Variants in TRAM1 observed in about 807,000 individuals in gnomAD.
TRAM1 encodes the protein translocating chain-associated membrane protein 1.
A neutral mutation model predicts 48.7 loss-of-function variants in TRAM1; 17 were observed. The ratio of observed to expected loss-of-function variants is 0.35; its 90% CI spans 0.24 to 0.52. The LOEUF (loss-of-function observed/expected upper bound fraction) is 0.52. TRAM1 is among the 20% of genes least tolerant of loss of function. The pLI, the probability that TRAM1 is intolerant of heterozygous loss-of-function variation, is 0.94. For missense variants in TRAM1, 351 were observed against 441.5 expected, an observed-to-expected ratio of 0.79 and a Z score of 1.84; for synonymous variants, 182 against 154.0, an observed-to-expected ratio of 1.18 and a Z score of -1.34.
rs796759048 is a variant in TRAM1, at chr8:70,607,448, C to T, written c.123+629G>A. On this transcript the variant is annotated intron_variant, in intron 1 of 10. Coordinates refer to ENST00000262213, the MANE Select transcript of TRAM1 (RefSeq NM_014294.6). ...AGACAAAAATGAAAACAATCTGGCG[C>T]GCCTCCACTGCGCCGGTGCCCGGCG... is the stretch of plus-strand genomic sequence containing the variant. The T allele has an allele frequency of 2.0e-5, 20 of 985,494 alleles. No homozygotes were observed. In the African/African-American group the frequency reaches 3.5e-4, roughly 17 times the overall value. 61.0% of individuals were successfully genotyped at this position (985,494 alleles called of 1,614,324 possible).
At chr8:70,586,436 TAA>T (rs1170046943) in intron 8 of TRAM1, among the ~76,000 whole-genome samples, 5 of 151,890 alleles carry the variant, frequency 3.3e-5, no homozygotes, top group African/African-American at 1.2e-4. Context: ...AATAAAATAA[TAA>T]AAAAAGAGTC....
chr8:70,600,753 T>G (rs1327491724), intron 1 of TRAM1, among the ~76,000 whole-genome samples: 1 of 152,176 alleles, frequency 6.6e-6, no homozygotes, highest in African/African-American at 2.4e-5. Context: ...TAAGTGCCAA[T>G]AGCTTGCACT....
chr8:70,593,574 A>G (rs1817414686), intron 6 of TRAM1, among the ~76,000 whole-genome samples: 1 of 150,324 alleles, frequency 6.7e-6, no homozygotes, highest in African/African-American at 2.4e-5. Flanking sequence ...AAAATCCCAC[A>G]TAGGATTTCA....
chr8:70,575,366 T>C (rs906280597), intron 10 of TRAM1, among the ~76,000 whole-genome samples: 2 of 152,176 alleles, frequency 1.3e-5, no homozygotes, highest in Non-Finnish European at 2.9e-5. Flanking sequence ...GTAAAGTTGG[T>C]GTTTAGGATA....
At chr8:70,576,101 C>CAAA (rs966210901) in intron 10 of TRAM1, among the ~76,000 whole-genome samples, 2 of 131,086 alleles carry the variant, frequency 1.5e-5, no homozygotes, top group Non-Finnish European at 3.3e-5. Context: ...AAAAACCACA[C>CAAA]AAAAAAAAAC....
intron 10 of TRAM1, among the ~76,000 whole-genome samples, chr8:70,581,452 T>G (rs759672405): frequency 1.6e-4 from 24 of 152,196 alleles, no homozygotes; most frequent in Non-Finnish European, 2.9e-4. Flanking sequence ...TCAAGACAGT[T>G]CAAGTGAAGG....
chr8:70,608,003 C>G (rs1817788756), intron 1 of TRAM1, 74 bp downstream of exon 1: 2 of 1,463,772 alleles, frequency 1.4e-6, no homozygotes, highest in African/African-American at 1.5e-5. Context: ...GCGGAGAAGC[C>G]GGGGCTGGCA....
intron 1 of TRAM1, chr8:70,607,233 T>C (rs958265984): frequency 2.0e-6 from 2 of 985,090 alleles, no homozygotes; most frequent in Non-Finnish European, 2.4e-6. Context: ...GTTAAATAAG[T>C]CATCAAAATA....
chr8:70,607,098 G>A (rs1389856325), intron 1 of TRAM1: 8 of 963,818 alleles, frequency 8.3e-6, no homozygotes, highest in Non-Finnish European at 9.9e-6. Context: ...GAGACATAAA[G>A]GCTCCAGAGA....
chr8:70,607,138 T>C, intron 1 of TRAM1: 2 of 981,380 alleles, frequency 2.0e-6, no homozygotes, highest in Non-Finnish European at 2.4e-6. Flanking sequence ...AGCAAAGGAA[T>C]GAGCGTGTGT....
intron 6 of TRAM1, 103 bp from the exon 7 acceptor site, chr8:70,587,279 T>C (rs1230263503): frequency 1.7e-6 from 2 of 1,163,678 alleles, no homozygotes; most frequent in Admixed American, 2.2e-5. Flanking sequence ...TCTCAAAACC[T>C]TGGACTCAAG....
Position 70,608,106 on chromosome 8 carries a change from T to C in TRAM1, c.94A>G (p.Met32Val), listed in dbSNP as rs1817791860. The change falls in exon 1 of 11, where the codon ATG (methionine) becomes GTG (valine). Residue 32 changes from methionine (M) to valine (V), a missense_variant. Transcript: ENST00000262213. ...AACATGAGCCCCAGCAGGAAGACCA[T>C]CGCCACACAGGAGACGATGTCCGCG... is the stretch of plus-strand genomic sequence containing the variant. ...NHADIVSCVA[M>V]VFLLGLMFEI... The C allele has an allele frequency of 6.3e-7, 1 of 1,597,510 alleles. No homozygotes were observed. The highest frequency in any genetic ancestry group is 8.5e-7 in the Non-Finnish European group (1 of 1,173,016).
At chr8:70,607,384 G>A (rs1817762153) in intron 1 of TRAM1, 1 of 985,270 alleles carries the variant, frequency 1.0e-6, no homozygotes, top group South Asian at 4.7e-5. Context: ...AAAGCGTCAG[G>A]GCAAAAAGTT....
chr8:70,574,257 G>C lies in TRAM1; in HGVS notation c.*675C>G. 2.4e-6 allele frequency: 1 copy of C among 411,064 alleles called. No homozygotes were observed. Among genetic ancestry groups the C allele is most frequent in the South Asian group, 1.8e-5 (1 of 55,312 alleles). 25.5% of individuals were successfully genotyped at this position (411,064 alleles called of 1,614,324 possible). On this transcript the variant is annotated 3_prime_UTR_variant, in exon 11 of 11. Coordinates refer to ENST00000262213, the MANE Select transcript of TRAM1 (RefSeq NM_014294.6). ...ACAAGTATTGAAAATGCACAAGAAA[G>C]ATTTTACTTCACAAGTACTTTTAAG...
chr8:70,607,928 G>T, intron 1 of TRAM1, 149 bp downstream of exon 1: 2 of 974,718 alleles, frequency 2.1e-6, no homozygotes, highest in Non-Finnish European at 2.7e-6. Context: ...GCAGGGCAGG[G>T]AAGGCCTGCA....
At chr8:70,593,502 C>T (rs776127061) in intron 6 of TRAM1, among the ~76,000 whole-genome samples, 9 of 150,158 alleles carry the variant, frequency 6.0e-5, no homozygotes, top group East Asian at 2.0e-4. Flanking sequence ...TATTAATAAA[C>T]GATCAAACTT....
chr8:70,576,796 G>A (rs927110542), intron 10 of TRAM1, among the ~76,000 whole-genome samples: 2 of 152,148 alleles, frequency 1.3e-5, no homozygotes, highest in African/African-American at 4.8e-5. Context: ...AGTGGTGGGA[G>A]TCCCGCACTC....
In TRAM1 at chr8:70,573,740, T is replaced by A. The variant is rs191341013; in HGVS notation, c.*1192A>T. 5 of 152,598 alleles carry A rather than the reference T, an allele frequency of 3.3e-5. No individual in the cohort carries two copies. The highest frequency in any genetic ancestry group is 5.9e-5 in the Non-Finnish European group (4 of 68,030). The allele number at this position is 152,598 out of a possible 1,614,324, so 9.5% of individuals were successfully genotyped here. A position where few individuals can be genotyped will look rare whatever the true frequency, so the allele number is the denominator to read the frequency against. ...TGAACACTGAAAAGAACAATATATA[T>A]ACTGTAAATATGATGAATAAACCAA... On this transcript the variant is annotated 3_prime_UTR_variant, in exon 11 of 11. Coordinates refer to ENST00000262213, the MANE Select transcript of TRAM1 (RefSeq NM_014294.6).
chr8:70,583,927 T>C, intron 8 of TRAM1, 134 bp from the exon 9 acceptor site: 13 of 1,009,528 alleles, frequency 1.3e-5, no homozygotes, highest in African/African-American at 3.4e-5. Flanking sequence ...GCAGGAGAAT[T>C]GCTTGAAACC....
Sources: allele counts gnomAD v4.1 joint callset (sites outside exome capture counted in the v4.1 genomes callset), GRCh38; gene constraint gnomAD v4.1.1; transcripts MANE v1.5; gene names NCBI Gene and HGNC (gene_info 2026-07-23, HGNC 2026-07-21).